Variants in PTPRK observed in about 807,000 individuals in gnomAD.
PTPRK encodes the protein receptor-type tyrosine-protein phosphatase kappa.
In PTPRK, 75 loss-of-function variants were observed where a neutral mutation model predicts 178.0. That is an observed-to-expected ratio of 0.42 (90% CI 0.35 to 0.51). PTPRK has a LOEUF of 0.51. Among genes scored for constraint, PTPRK ranks in the 20% least tolerant of loss-of-function variants. The pLI is 0.02. For missense variants in PTPRK, 1,441 were observed against 1,797.8 expected, an observed-to-expected ratio of 0.80 and a Z score of 3.59; for synonymous variants, 637 against 620.6, an observed-to-expected ratio of 1.03 and a Z score of -0.39.
At chr6:128,030,223 T>C (rs1012261426) in intron 13 of PTPRK, among the ~76,000 whole-genome samples, 3 of 152,060 alleles carry the variant, frequency 2.0e-5, no homozygotes, top group Admixed American at 6.6e-5. Context: ...TGTGAGCCAA[T>C]AGCAGCTAAC....
intron 13 of PTPRK, among the ~76,000 whole-genome samples, chr6:128,017,122 TGC>T (rs980711472): frequency 6.6e-6 from 1 of 152,050 alleles, no homozygotes; most frequent in Non-Finnish European, 1.5e-5. Context: ...CTCTTCATTT[TGC>T]CAAATCTGCT....
intron 6 of PTPRK, among the ~76,000 whole-genome samples, chr6:128,210,217 TACAA>T (rs1261136884): frequency 6.6e-6 from 1 of 152,064 alleles, no homozygotes; most frequent in Non-Finnish European, 1.5e-5. Context: ...ATATACATAT[TACAA>T]ACAAATTTCA....
intron 7 of PTPRK, among the ~76,000 whole-genome samples, chr6:128,172,945 CA>C (rs1009287459): frequency 6.6e-6 from 1 of 151,842 alleles, no homozygotes; most frequent in African/African-American, 2.4e-5. Flanking sequence ...CCTGTGGAGG[CA>C]TCTGAAGGGT....
chr6:128,482,858 A>G (rs118067817), intron 1 of PTPRK, among the ~76,000 whole-genome samples: 2,406 of 152,324 alleles, frequency 0.016, 30 homozygotes, highest in Non-Finnish European at 0.026. Context: ...AAGCAAAGGC[A>G]TTAAGCCAAT....
intron 7 of PTPRK, among the ~76,000 whole-genome samples, chr6:128,125,917 G>GT (rs2114428578): frequency 6.6e-6 from 1 of 152,008 alleles, no homozygotes; most frequent in East Asian, 1.9e-4. Context: ...CGCCTTTGGG[G>GT]TTTTAAAAAA....
At chr6:128,254,128 G>A (rs1461678589) in intron 3 of PTPRK, among the ~76,000 whole-genome samples, 1 of 152,126 alleles carries the variant, frequency 6.6e-6, no homozygotes, top group Non-Finnish European at 1.5e-5. Flanking sequence ...TATGGTTGGA[G>A]GGGAGAGGAG....
At chr6:128,089,030 T>G (rs1402601053) in intron 8 of PTPRK, among the ~76,000 whole-genome samples, 2 of 152,222 alleles carry the variant, frequency 1.3e-5, no homozygotes, top group Middle Eastern at 3.2e-3. Flanking sequence ...TGGTGCGATC[T>G]CAGCTCTCTG....
At chr6:128,510,705 G>A (rs1857046933) in intron 1 of PTPRK, among the ~76,000 whole-genome samples, 1 of 152,100 alleles carries the variant, frequency 6.6e-6, no homozygotes, top group Non-Finnish European at 1.5e-5. Flanking sequence ...TGCATTCACA[G>A]ACATATTATC....
At chr6:128,496,629 A>G (rs1854701503) in intron 1 of PTPRK, among the ~76,000 whole-genome samples, 1 of 152,220 alleles carries the variant, frequency 6.6e-6, no homozygotes, top group African/African-American at 2.4e-5. Context: ...GTTTGAAATC[A>G]TATAATTTCT....
At chr6:128,328,046 G>T (rs1829797311) in intron 2 of PTPRK, among the ~76,000 whole-genome samples, 2 of 152,172 alleles carry the variant, frequency 1.3e-5, no homozygotes, top group African/African-American at 2.4e-5. Context: ...CAGGTTTGTT[G>T]CTACAAGCTC....
intron 2 of PTPRK, among the ~76,000 whole-genome samples, chr6:128,326,585 T>C (rs1282500382): frequency 1.3e-5 from 2 of 152,186 alleles, no homozygotes; most frequent in African/African-American, 2.4e-5. Context: ...AAGTAAAATA[T>C]GCAGGTTATA....
At chr6:128,227,080 C>T (rs1316311095) in intron 5 of PTPRK, among the ~76,000 whole-genome samples, 2 of 152,046 alleles carry the variant, frequency 1.3e-5, no homozygotes, top group African/African-American at 2.4e-5. Flanking sequence ...AGATATACTC[C>T]TAATCAAGTA....
At chr6:128,020,434 A>C (rs1773329865) in intron 13 of PTPRK, among the ~76,000 whole-genome samples, 1 of 152,222 alleles carries the variant, frequency 6.6e-6, no homozygotes, top group South Asian at 2.1e-4. Context: ...AAGCTTCATG[A>C]TAATGTCAGT....
At chr6:128,471,022 G>T (rs1312442933) in intron 1 of PTPRK, among the ~76,000 whole-genome samples, 1 of 150,874 alleles carries the variant, frequency 6.6e-6, no homozygotes, top group Non-Finnish European at 1.5e-5. Flanking sequence ...ATAAGTTAGA[G>T]AATCAAAATA....
intron 13 of PTPRK, among the ~76,000 whole-genome samples, chr6:128,037,672 T>C (rs1776450030): frequency 6.6e-6 from 1 of 152,196 alleles, no homozygotes; most frequent in African/African-American, 2.4e-5. Flanking sequence ...TTGGAGTATC[T>C]GCAGAAAACC....
At chr6:128,109,013 T>G (rs1460655535) in intron 7 of PTPRK, among the ~76,000 whole-genome samples, 1 of 152,092 alleles carries the variant, frequency 6.6e-6, no homozygotes, top group Non-Finnish European at 1.5e-5. Flanking sequence ...CTTCAACATA[T>G]GGATTTTGGG....
intron 12 of PTPRK, among the ~76,000 whole-genome samples, chr6:128,066,614 G>C (rs2114937284): frequency 6.6e-6 from 1 of 152,012 alleles, no homozygotes; most frequent in East Asian, 1.9e-4. Context: ...ACGGCTTCAA[G>C]TCTATTAAAA....
At chr6:128,081,169 A>G (rs1450684120) in intron 10 of PTPRK, among the ~76,000 whole-genome samples, 1 of 152,080 alleles carries the variant, frequency 6.6e-6, no homozygotes, top group Non-Finnish European at 1.5e-5. Flanking sequence ...TAGAAAACCT[A>G]TCTCAGTGCA....
At chr6:128,440,025 T>G (rs1846081635) in intron 1 of PTPRK, among the ~76,000 whole-genome samples, 1 of 152,174 alleles carries the variant, frequency 6.6e-6, no homozygotes, top group Non-Finnish European at 1.5e-5. Context: ...AGATTTGTTT[T>G]TCAACCAAAC....
Sources: gnomAD v4.1 joint callset for allele counts (sites outside exome capture counted in the v4.1 genomes callset) on GRCh38, gnomAD v4.1.1 for gene constraint, MANE v1.5 for transcripts, NCBI Gene and HGNC (gene_info 2026-07-23, HGNC 2026-07-21) for gene names.